Variants in WWP2 observed in about 807,000 individuals in gnomAD.
WWP2 encodes the protein WW domain containing E3 ubiquitin protein ligase 2.
In WWP2, 57 loss-of-function variants were observed where a neutral mutation model predicts 121.0. The observed-to-expected ratio is 0.47, with a 90% CI of 0.38 to 0.59. The LOEUF (loss-of-function observed/expected upper bound fraction) is 0.59, where lower values mean the gene tolerates loss of function less well. WWP2 is among the 20% of genes least tolerant of loss of function. The pLI is 0.00. For synonymous variants in WWP2, 449 were observed against 441.3 expected (o/e 1.02, Z -0.22); for missense variants, 962 against 1,158.9 (o/e 0.83, Z 2.47).
intron 7 of WWP2, among the ~76,000 whole-genome samples, chr16:69,876,936 T>C (rs2057745567): frequency 6.6e-6 from 1 of 152,052 alleles, no homozygotes; most frequent in African/African-American, 2.4e-5. Flanking sequence ...GCTTTGTTGC[T>C]CCATTTATAA....
intron 9 of WWP2, chr16:69,909,892 T>C (rs561724054): frequency 4.7e-6 from 1 of 214,708 alleles, no homozygotes; most frequent in Non-Finnish European, 8.0e-6. Context: ...TACAAACTAG[T>C]CGGCACACTA....
chr16:69,936,536 G>T (rs913025887), intron 19 of WWP2, 84 bp downstream of exon 19: 2 of 1,577,340 alleles, frequency 1.3e-6, no homozygotes, highest in African/African-American at 2.7e-5. Context: ...CCCCACCTGT[G>T]GCCCATCGGT....
Position 69,940,003 on chromosome 16 carries a change from G to T in WWP2, c.*63G>T. Reference sequence around the variant, plus strand: ...AGTCCTGAGTCCTCCCTGCCTGAGAGGCCACTGGCCCCGCAGCCCTTGGGA... The same window carrying T: ...AGTCCTGAGTCCTCCCTGCCTGAGATGCCACTGGCCCCGCAGCCCTTGGGA... On this transcript the variant is annotated 3_prime_UTR_variant, in exon 24 of 24. Coordinates refer to ENST00000359154, the MANE Select transcript of WWP2 (RefSeq NM_001270454.2). The T allele has an allele frequency of 1.4e-6, 2 of 1,409,636 alleles. No individual in the cohort carries two copies. The highest frequency in any genetic ancestry group is 2.0e-5 in the Admixed American group (1 of 50,448). 87.3% of individuals were successfully genotyped at this position (1,409,636 alleles called of 1,614,324 possible). A position where few individuals can be genotyped will look rare whatever the true frequency, so the allele number is the denominator to read the frequency against.
intron 1 of WWP2, among the ~76,000 whole-genome samples, chr16:69,774,459 A>G (rs570634765): frequency 3.8e-4 from 58 of 152,008 alleles, no homozygotes; most frequent in African/African-American, 1.3e-3. Flanking sequence ...GTTTTGCCCT[A>G]TTGTTCAGGC....
chr16:69,788,118 T>G (rs921752351), intron 2 of WWP2: 7 of 152,182 alleles, frequency 4.6e-5, no homozygotes, highest in Admixed American at 3.9e-4. Context: ...ATATCAGCAC[T>G]TTGGGAGGCC....
intron 4 of WWP2, among the ~76,000 whole-genome samples, chr16:69,825,455 T>C (rs985470437): frequency 6.6e-6 from 1 of 151,090 alleles, no homozygotes; most frequent in Non-Finnish European, 1.5e-5. Flanking sequence ...ACCAAAAAAC[T>C]AAAGTGGCGA....
At chr16:69,840,103 A>T (rs756155464) in intron 4 of WWP2, 23 bp from the exon 5 acceptor site, 1 of 1,613,978 alleles carries the variant, frequency 6.2e-7, no homozygotes, top group Non-Finnish European at 8.5e-7. Context: ...TAGCCCATCC[A>T]TGTTGCCTTT....
intron 4 of WWP2, among the ~76,000 whole-genome samples, chr16:69,834,156 T>G (rs2965761): frequency 0.84 from 127,932 of 152,176 alleles, 54,089 homozygotes; most frequent in Admixed American, 0.9. Flanking sequence ...TTGAGCAATT[T>G]CCAAGGACCT....
chr16:69,794,786 A>G (rs945415724), intron 2 of WWP2, among the ~76,000 whole-genome samples: 1 of 152,260 alleles, frequency 6.6e-6, no homozygotes, highest in African/African-American at 2.4e-5. Flanking sequence ...AAAAAACCAA[A>G]AAGTTAAACA....
At chr16:69,857,993 A>G (rs1432171371) in intron 6 of WWP2, among the ~76,000 whole-genome samples, 1 of 152,168 alleles carries the variant, frequency 6.6e-6, no homozygotes, top group East Asian at 1.9e-4. Flanking sequence ...AGAAAATTTA[A>G]TGAAATTAGT....
Position 69,816,284 on chromosome 16 carries a change from A to G in WWP2, c.340+16989A>G, listed in dbSNP as rs539029782. On this transcript the variant is annotated intron_variant, in intron 4 of 23. Coordinates refer to ENST00000359154, the MANE Select transcript of WWP2 (RefSeq NM_001270454.2). The stretch of plus-strand genomic sequence containing the variant: ...TTCATATCATGTATATTTTACCACA[A>G]TTAAAAATAATTACTTAGCCCAGTG... Among the ~76,000 whole-genome samples the G allele has an allele frequency of 2.2e-3, 337 of 152,078 alleles. 2 individuals carry two copies. The highest frequency in any genetic ancestry group is 5.6e-3 in the South Asian group (27 of 4,818).
chr16:69,792,327 G>C (rs1280748346), intron 2 of WWP2, among the ~76,000 whole-genome samples: 1 of 152,194 alleles, frequency 6.6e-6, no homozygotes, highest in Non-Finnish European at 1.5e-5. Context: ...TATTGAGAGA[G>C]CAGATGCCAG....
chr16:69,804,091 T>C (rs2056227337), intron 4 of WWP2, among the ~76,000 whole-genome samples: 1 of 152,248 alleles, frequency 6.6e-6, no homozygotes, highest in Non-Finnish European at 1.5e-5. Flanking sequence ...GAACTCTTTA[T>C]TTGTTAAGGT....
intron 7 of WWP2, among the ~76,000 whole-genome samples, chr16:69,887,834 G>T (rs966405548): frequency 6.6e-6 from 1 of 152,064 alleles, no homozygotes; most frequent in Non-Finnish European, 1.5e-5. Context: ...TATTTATTTC[G>T]GATTCATCCT....
chr16:69,802,719 A>G lies in WWP2; in HGVS notation c.340+3424A>G, dbSNP rs540034281. Among the ~76,000 whole-genome samples, 512 of 151,676 alleles carry G rather than the reference A, an allele frequency of 3.4e-3. 6 individuals are homozygous for G. The highest frequency in any genetic ancestry group is 0.012 in the African/African-American group (500 of 41,334). On this transcript the variant is annotated intron_variant, in intron 4 of 23. Transcript: ENST00000359154. ...GGGTTCAAGTGATTCTCCTGCCTCA[A>G]GCTTCCAAGTAGCTAGGATTATGAC...
Position 69,829,957 on chromosome 16 carries a change from A to ATT in WWP2, c.341-10155_341-10154dup, listed in dbSNP as rs11462005. On this transcript the variant is annotated intron_variant, in intron 4 of 23. Coordinates refer to ENST00000359154, the MANE Select transcript of WWP2 (RefSeq NM_001270454.2). The stretch of plus-strand genomic sequence containing the variant: ...AGGCACACGCCACTGCGCCCAGCTA[A>ATT]TTTTTTTTTTTTTTTCAGATAGAGT... 5.4e-3 allele frequency among the ~76,000 whole-genome samples: 779 copies of ATT among 144,828 alleles called. 5 individuals are homozygous for ATT. The highest frequency in any genetic ancestry group is 8.0e-3 in the African/African-American group (316 of 39,346).
Position 69,838,128 on chromosome 16 carries a change from G to A in WWP2, c.341-1998G>A, listed in dbSNP as rs182744248. On this transcript the variant is annotated intron_variant, in intron 4 of 23. Transcript: ENST00000359154. ...GAGAAGTTAGACCAAGAGGAATTAG[G>A]ACTCTTCCTAAACACAGGAAGTCAA... 1.2e-3 allele frequency among the ~76,000 whole-genome samples: 179 copies of A among 152,098 alleles called. 1 individual carries two copies. Among genetic ancestry groups the A allele is most frequent in the South Asian group, 3.3e-3 (16 of 4,816 alleles).
At chr16:69,876,138 A>G (rs569680795) in intron 7 of WWP2, among the ~76,000 whole-genome samples, 3 of 151,776 alleles carry the variant, frequency 2.0e-5, no homozygotes, top group Non-Finnish European at 4.4e-5. Flanking sequence ...TTGTATTTTC[A>G]GTAGAGATGG....
At chr16:69,848,637 TAAAAAAA>T (rs529487746) in intron 6 of WWP2, among the ~76,000 whole-genome samples, 2 of 81,910 alleles carry the variant, frequency 2.4e-5, no homozygotes, top group African/African-American at 4.6e-5. Flanking sequence ...ATGCTGTTGC[TAAAAAAA>T]AAAAAAAAAA....
Sources: allele counts gnomAD v4.1 joint callset (sites outside exome capture counted in the v4.1 genomes callset), GRCh38; gene constraint gnomAD v4.1.1; transcripts MANE v1.5; gene names NCBI Gene and HGNC (gene_info 2026-07-23, HGNC 2026-07-21).